NR6A1: variants seen among roughly 807,000 people sequenced by gnomAD.
NR6A1 encodes the protein nuclear receptor subfamily 6 group A member 1, also known as retinoic acid receptor-related testis-associated receptor.
In NR6A1, 7 loss-of-function variants were observed where a neutral mutation model predicts 59.1. The observed-to-expected ratio is 0.12, with a 90% CI of 0.07 to 0.22. The LOEUF (loss-of-function observed/expected upper bound fraction) is 0.22, where lower values mean the gene tolerates loss of function less well. NR6A1 is among the 10% of genes least tolerant of loss of function. NR6A1 has a pLI of 1.00. For missense variants in NR6A1, 468 were observed against 611.6 expected, an observed-to-expected ratio of 0.77 and a Z score of 2.48; for synonymous variants, 243 against 236.1, an observed-to-expected ratio of 1.03 and a Z score of -0.27.
At chr9:124,600,125 T>A (rs1835405258) in intron 2 of NR6A1, among the ~76,000 whole-genome samples, 1 of 152,246 alleles carries the variant, frequency 6.6e-6, no homozygotes, top group Non-Finnish European at 1.5e-5. Flanking sequence ...GAGGGACTTG[T>A]ATCCATTTTA....
intron 2 of NR6A1, among the ~76,000 whole-genome samples, chr9:124,634,559 C>T (rs915446082): frequency 2.0e-5 from 3 of 152,080 alleles, no homozygotes; most frequent in East Asian, 1.9e-4. Flanking sequence ...CGGTAGCTCA[C>T]GCCTGTAATC....
At chr9:124,652,036 A>G (rs928643225) in intron 2 of NR6A1, among the ~76,000 whole-genome samples, 2 of 152,226 alleles carry the variant, frequency 1.3e-5, no homozygotes, top group African/African-American at 4.8e-5. Flanking sequence ...TGAGCTAGTT[A>G]AAAAAGGAAA....
intron 2 of NR6A1, among the ~76,000 whole-genome samples, chr9:124,642,925 G>A (rs1478953411): frequency 6.6e-6 from 1 of 152,128 alleles, no homozygotes. Flanking sequence ...GGGTCAGGTG[G>A]ATGGAAATAT....
intron 2 of NR6A1, among the ~76,000 whole-genome samples, chr9:124,729,805 T>G (rs1015576936): frequency 3.3e-5 from 5 of 152,018 alleles, no homozygotes; most frequent in African/African-American, 1.2e-4. Context: ...AATTTTATTT[T>G]GTCTAATTTT....
rs376592254 is a variant in NR6A1, at chr9:124,522,687, G to T, written c.*18C>A. ...CCCAAGACGCTGTGGTTGGCCTGAG[G>T]AGGGCGCCTGGAACAGGTCATTCCT... On this transcript the variant is annotated 3_prime_UTR_variant, in exon 10 of 10. Coordinates refer to ENST00000487099, the MANE Select transcript of NR6A1 (RefSeq NM_033334.4). 2 of 1,556,868 alleles carry T rather than the reference G, an allele frequency of 1.3e-6. No homozygotes were observed. The highest frequency in any genetic ancestry group is 1.7e-6 in the Non-Finnish European group (2 of 1,150,588).
At chr9:124,700,213 G>T (rs1047666410) in intron 2 of NR6A1, among the ~76,000 whole-genome samples, 14 of 148,012 alleles carry the variant, frequency 9.5e-5, no homozygotes, top group African/African-American at 3.5e-4. Context: ...CTTTTTTTTT[G>T]AAATGGGGTC....
At chr9:124,744,769 A>T (rs1200055325) in intron 1 of NR6A1, among the ~76,000 whole-genome samples, 1 of 152,208 alleles carries the variant, frequency 6.6e-6, no homozygotes. Flanking sequence ...CTGATCAAGG[A>T]GTTTGTTTGA....
intron 2 of NR6A1, among the ~76,000 whole-genome samples, chr9:124,636,932 C>A (rs1311152090): frequency 1.3e-5 from 2 of 151,900 alleles, no homozygotes; most frequent in Non-Finnish European, 2.9e-5. Context: ...TCTGCTGACA[C>A]AGAATTACAA....
At chr9:124,546,652 T>A (rs1280831812) in intron 3 of NR6A1, among the ~76,000 whole-genome samples, 1 of 152,198 alleles carries the variant, frequency 6.6e-6, no homozygotes, top group African/African-American at 2.4e-5. Flanking sequence ...TAACTTTGAT[T>A]TTTAAAAGTT....
At chr9:124,764,079 G>C (rs1339968148) in intron 1 of NR6A1, among the ~76,000 whole-genome samples, 1 of 151,790 alleles carries the variant, frequency 6.6e-6, no homozygotes, top group African/African-American at 2.4e-5. Flanking sequence ...AGCTACTCAG[G>C]AGGCTGAGGC....
chr9:124,624,235 AATG>A (rs1386321693), intron 2 of NR6A1, among the ~76,000 whole-genome samples: 2 of 152,212 alleles, frequency 1.3e-5, no homozygotes, highest in African/African-American at 4.8e-5. Context: ...CTTCCAGGCA[AATG>A]ATGATAAGTT....
chr9:124,752,344 CAAATT>C (rs1190740943), intron 1 of NR6A1, among the ~76,000 whole-genome samples: 1 of 151,934 alleles, frequency 6.6e-6, no homozygotes, highest in Non-Finnish European at 1.5e-5. Flanking sequence ...AAGATAAAAT[CAAATT>C]AAAATTAAAC....
intron 2 of NR6A1, among the ~76,000 whole-genome samples, chr9:124,642,889 A>T (rs959175489): frequency 1.3e-5 from 2 of 152,172 alleles, no homozygotes; most frequent in African/African-American, 4.8e-5. Flanking sequence ...GAAAGATAAG[A>T]AAGTGGGCAG....
chr9:124,544,377 G>C (rs751927268), intron 3 of NR6A1, among the ~76,000 whole-genome samples: 22 of 152,174 alleles, frequency 1.4e-4, no homozygotes, highest in Non-Finnish European at 2.4e-4. Flanking sequence ...AACTTACCTA[G>C]CATTTACTAA....
intron 4 of NR6A1, 78 bp from the exon 5 acceptor site, chr9:124,540,265 A>C: frequency 7.0e-7 from 1 of 1,430,188 alleles, no homozygotes; most frequent in Non-Finnish European, 9.4e-7. Context: ...GCTTATTTAA[A>C]TCTCATAGGA....
chr9:124,574,851 T>A (rs1834544546), intron 2 of NR6A1, among the ~76,000 whole-genome samples: 1 of 152,244 alleles, frequency 6.6e-6, no homozygotes, highest in Non-Finnish European at 1.5e-5. Context: ...TGCAATAGAA[T>A]TTATTACCTT....
chr9:124,618,624 T>G (rs1835969550), intron 2 of NR6A1, among the ~76,000 whole-genome samples: 1 of 152,026 alleles, frequency 6.6e-6, no homozygotes, highest in Non-Finnish European at 1.5e-5. Context: ...ACCAAGTGAG[T>G]CATCCTAAAT....
At chr9:124,598,950 C>A in intron 2 of NR6A1, 2 of 709,444 alleles carry the variant, frequency 2.8e-6, no homozygotes, top group South Asian at 1.5e-5. Context: ...CAGGCATGGT[C>A]ATTACCCACG....
intron 1 of NR6A1, among the ~76,000 whole-genome samples, chr9:124,749,002 C>T (rs797015443): frequency 5.9e-5 from 9 of 152,274 alleles, no homozygotes; most frequent in African/African-American, 2.2e-4. Context: ...GTGGCTCACG[C>T]CTGTAACCCC....
Sources: gnomAD v4.1 joint callset for allele counts (sites outside exome capture counted in the v4.1 genomes callset) on GRCh38, gnomAD v4.1.1 for gene constraint, MANE v1.5 for transcripts, NCBI Gene and HGNC (gene_info 2026-07-23, HGNC 2026-07-21) for gene names.